The following PGAP2 variants were observed in gnomAD, a reference collection of about 807,000 sequenced individuals.
PGAP2 encodes the protein post-GPI attachment to proteins 2, also known as acyltransferase PGAP2.
In PGAP2, 21 loss-of-function variants were observed where a neutral mutation model predicts 33.2. The ratio of observed to expected loss-of-function variants is 0.63; its 90% CI spans 0.45 to 0.91. The LOEUF (loss-of-function observed/expected upper bound fraction) is 0.91, where lower values mean the gene tolerates loss of function less well. Among genes scored for constraint, PGAP2 ranks in the 40% least tolerant of loss-of-function variants. The pLI is 0.00. For missense variants in PGAP2, 345 were observed against 424.0 expected, an observed-to-expected ratio of 0.81 and a Z score of 1.64; for synonymous variants, 161 against 172.9, an observed-to-expected ratio of 0.93 and a Z score of 0.54.
At chr11:3,815,177 GTACT>G (rs976541792) in intron 2 of PGAP2, among the ~76,000 whole-genome samples, 9 of 152,028 alleles carry the variant, frequency 5.9e-5, no homozygotes, top group African/African-American at 2.2e-4. Context: ...TAGTGAGTAT[GTACT>G]TACTTTCCGG....
chr11:3,818,592 C>T (rs2087714606), intron 3 of PGAP2, among the ~76,000 whole-genome samples: 1 of 152,178 alleles, frequency 6.6e-6, no homozygotes, highest in Admixed American at 6.5e-5. Context: ...TACTGGCAGC[C>T]CCAGGCCCCA....
chr11:3,824,768 G>A, intron 5 of PGAP2: 1 of 1,421,688 alleles, frequency 7.0e-7, no homozygotes, highest in Non-Finnish European at 9.2e-7. Context: ...GTGACTCCAT[G>A]TAACTTTCAT....
rs200081631 is a variant in PGAP2 at position 3,825,468 on chromosome 11, T to A, written c.*10T>A. 72 of 1,611,514 alleles carry A rather than the reference T, an allele frequency of 4.5e-5. No individual in the cohort carries two copies. The Admixed American group carries it at 1.2e-3, about 27-fold the overall frequency. On this transcript the variant is annotated 3_prime_UTR_variant, in exon 7 of 7. Coordinates refer to ENST00000278243, the MANE Select transcript of PGAP2 (RefSeq NM_014489.4). The stretch of plus-strand genomic sequence containing the variant: ...GGAAAAGCGATTCTGAACCCTTCAG[T>A]CCTGCTTGGGAGGACGCAGCCCACT...
intron 2 of PGAP2, among the ~76,000 whole-genome samples, chr11:3,814,443 G>C (rs912232326): frequency 2.0e-5 from 3 of 152,070 alleles, no homozygotes; most frequent in Non-Finnish European, 4.4e-5. Flanking sequence ...TTTTGGTATT[G>C]ACGGGGTTTC....
Position 3,825,072 on chromosome 11 carries a change from CCTT to C in PGAP2, c.767_769del (p.Phe256del), listed in dbSNP as rs777098385. The C allele has an allele frequency of 8.7e-6, 14 of 1,614,080 alleles. No individual in the cohort carries two copies. Among genetic ancestry groups the C allele is most frequent in the Admixed American group, 6.7e-5 (4 of 59,996 alleles). On this transcript the variant is annotated inframe_deletion, in exon 6 of 7. Transcript: ENST00000278243. The stretch of plus-strand genomic sequence containing the variant: ...CGGCTCTTCATCATCAACTTCATCT[CCTT>C]CTTCTCGGCGCTGGCTGTCTACTTT...
Position 3,811,568 on chromosome 11 carries a change from A to C in PGAP2, c.165+144A>C. Reference sequence around the variant, plus strand: ...TGCTGGGGGGATGCCTGCAAATTGAAATCTCAAGGGTTAGTCTCCCTCTGC... The same window carrying C: ...TGCTGGGGGGATGCCTGCAAATTGACATCTCAAGGGTTAGTCTCCCTCTGC... On this transcript the variant is annotated intron_variant, in intron 2 of 6. Transcript: ENST00000278243. This position sits in a 1 kb window ranked among gnomAD's most constrained non-coding sequence, Gnocchi z 4.6. The C allele has an allele frequency of 5.2e-6, 4 of 765,372 alleles. No homozygotes were observed. The highest frequency in any genetic ancestry group is 8.2e-6 in the Non-Finnish European group (4 of 490,626). The allele number at this position is 765,372 out of a possible 1,614,324, so 47.4% of individuals were successfully genotyped here. A position where few individuals can be genotyped will look rare whatever the true frequency, so the allele number is the denominator to read the frequency against.
chr11:3,810,311 G>A (rs889400022), intron 1 of PGAP2, among the ~76,000 whole-genome samples: 1 of 152,220 alleles, frequency 6.6e-6, no homozygotes, highest in Non-Finnish European at 1.5e-5. Flanking sequence ...GTCAAGGAAG[G>A]CCAGAGTTGC....
upstream of PGAP2, among the ~76,000 whole-genome samples, chr11:3,805,750 G>A (rs970997871): frequency 1.2e-4 from 18 of 151,386 alleles, no homozygotes; most frequent in Non-Finnish European, 2.1e-4. Flanking sequence ...GCAGTGGCGC[G>A]ATCTCGGCTC....
chr11:3,798,518 C>T (rs74405539), intron 1 of PGAP2, among the ~76,000 whole-genome samples: 1,888 of 151,650 alleles, frequency 0.012, 44 homozygotes, highest in African/African-American at 0.042. Flanking sequence ...ATAGTAGAGA[C>T]GGGGATTTCA....
chr11:3,804,527 A>G (rs2083996562), upstream of PGAP2, among the ~76,000 whole-genome samples: 1 of 152,086 alleles, frequency 6.6e-6, no homozygotes, highest in Admixed American at 6.6e-5. Flanking sequence ...TTAGCAGTCT[A>G]TGTCCCTGCC....
rs184780482 is a variant in PGAP2 at position 3,811,475 on chromosome 11, T to C, written c.165+51T>C. Reference sequence around the variant, plus strand: ...CATATTCAGGCCGATCTGGATCTTCTTTAGATCTTGAATATCTTTTAACAA... The same window carrying C: ...CATATTCAGGCCGATCTGGATCTTCCTTAGATCTTGAATATCTTTTAACAA... On this transcript the variant is annotated intron_variant, in intron 2 of 6. Coordinates refer to ENST00000278243, the MANE Select transcript of PGAP2 (RefSeq NM_014489.4). The surrounding 1 kb of genome is among the most constrained non-coding windows in gnomAD (Gnocchi z 4.6). 1.2e-4 allele frequency: 179 copies of C among 1,526,330 alleles called. No individual in the cohort carries two copies. The highest frequency in any genetic ancestry group is 1.5e-4 in the Non-Finnish European group (169 of 1,115,606). 94.5% of individuals were successfully genotyped at this position (1,526,330 alleles called of 1,614,324 possible). A position where few individuals can be genotyped will look rare whatever the true frequency, so the allele number is the denominator to read the frequency against.
chr11:3,823,054 TGAGACAGAG>T, intron 3 of PGAP2: 2 of 564,914 alleles, frequency 3.5e-6, no homozygotes, highest in African/African-American at 2.4e-5. Context: ...TTTTTTTTTT[TGAGACAGAG>T]TCTCACTCTG....
chr11:3,825,310 C>T lies in PGAP2; in HGVS notation c.818-18C>T. The T allele has an allele frequency of 6.2e-7, 1 of 1,610,986 alleles. No homozygotes were observed. Among genetic ancestry groups the T allele is most frequent in the Non-Finnish European group, 8.5e-7 (1 of 1,178,272 alleles). ...GCTGGAAGTTCACCATGTCCTGTTC[C>T]TTGTGTCCTCACAACAGTGTACACC... is the stretch of plus-strand genomic sequence containing the variant. On this transcript the variant is annotated intron_variant, in intron 6 of 6. Coordinates refer to ENST00000278243, the MANE Select transcript of PGAP2 (RefSeq NM_014489.4).
chr11:3,812,551 G>C (rs964264669), intron 2 of PGAP2, among the ~76,000 whole-genome samples: 1 of 152,188 alleles, frequency 6.6e-6, no homozygotes, highest in African/African-American at 2.4e-5. Context: ...GGAGCAGAAG[G>C]AGGAGGAGGA....
chr11:3,801,291 T>C (rs1441779367), intron 1 of PGAP2, among the ~76,000 whole-genome samples: 1 of 152,050 alleles, frequency 6.6e-6, no homozygotes, highest in East Asian at 1.9e-4. Flanking sequence ...TTTAAAGCAC[T>C]TAGCATAGTA....
upstream of PGAP2, among the ~76,000 whole-genome samples, chr11:3,805,472 G>A (rs1319411272): frequency 6.6e-6 from 1 of 150,774 alleles, no homozygotes; most frequent in Non-Finnish European, 1.5e-5. Flanking sequence ...ATGTTGCCTA[G>A]GCTGGTCTTG....
intron 3 of PGAP2, 193 bp downstream of exon 3, chr11:3,817,728 C>G (rs752890955): frequency 1.4e-6 from 1 of 696,174 alleles, no homozygotes; most frequent in Non-Finnish European, 2.6e-6. Flanking sequence ...CACAGTCCTC[C>G]CTGAGTTGGA....
intron 2 of PGAP2, among the ~76,000 whole-genome samples, chr11:3,815,234 A>G (rs1371736531): frequency 6.6e-6 from 1 of 151,768 alleles, no homozygotes; most frequent in African/African-American, 2.4e-5. Flanking sequence ...CCGTAGAACT[A>G]TTCTCTCCTC....
In PGAP2 at chr11:3,817,369, T is replaced by C. The variant is rs34117886; in HGVS notation, c.182T>C (p.Met61Thr). ...ATHCGATPCR[M>T]FSAASQPLDP... Reference sequence around the variant, plus strand: ...GCTGCTTAGGCCACGCCCTGCAGGATGTTCTCTGCGGCCTCCCAGCCTTTG... The same window carrying C: ...GCTGCTTAGGCCACGCCCTGCAGGACGTTCTCTGCGGCCTCCCAGCCTTTG... The change falls in exon 3 of 7, where the codon ATG becomes ACG. Residue 61 changes from methionine to threonine, a missense_variant. Met to Thr is a moderately conservative substitution (Grantham distance 81, BLOSUM62 -1). Transcript: ENST00000278243. The C allele has an allele frequency of 1.3e-4, 208 of 1,613,388 alleles. No homozygotes were observed. The African/African-American group carries it at 2.5e-3, about 19-fold the overall frequency.
Sources: gnomAD v4.1 joint callset for allele counts (sites outside exome capture counted in the v4.1 genomes callset) on GRCh38, gnomAD v4.1.1 for gene constraint, Gnocchi (gnomAD v3.1) non-coding constraint, MANE v1.5 for transcripts, NCBI Gene and HGNC (gene_info 2026-07-23, HGNC 2026-07-21) for gene names.